Variants in WASF3 observed in about 807,000 individuals in gnomAD.
WASF3 encodes actin-binding protein WASF3.
A neutral mutation model predicts 46.6 loss-of-function variants in WASF3; 11 were observed. The ratio of observed to expected loss-of-function variants is 0.24; its 90% CI spans 0.15 to 0.39. WASF3 has a LOEUF of 0.39. Among genes scored for constraint, WASF3 ranks in the 10% least tolerant of loss-of-function variants. The pLI, the probability that WASF3 is intolerant of heterozygous loss-of-function variation, is 1.00. For synonymous variants in WASF3, 242 were observed against 259.7 expected (o/e 0.93, Z 0.65); for missense variants, 576 against 669.8 (o/e 0.86, Z 1.55).
intron 1 of WASF3, among the ~76,000 whole-genome samples, chr13:26,604,139 G>T (rs1880724178): frequency 6.6e-6 from 1 of 151,998 alleles, no homozygotes; most frequent in Admixed American, 6.5e-5. Context: ...TATTTACTGT[G>T]TGATTTTTTT....
intron 1 of WASF3, among the ~76,000 whole-genome samples, chr13:26,608,020 C>T (rs973499952): frequency 6.6e-5 from 10 of 152,040 alleles, no homozygotes; most frequent in South Asian, 6.2e-4. Context: ...GAGCTCAGTC[C>T]GAAATAATGT....
At chr13:26,653,639 A>G (rs374066436) in intron 3 of WASF3, among the ~76,000 whole-genome samples, 2 of 151,412 alleles carry the variant, frequency 1.3e-5, no homozygotes, top group Admixed American at 1.3e-4. Flanking sequence ...TGTTTTTCCT[A>G]CCTCCCAAGC....
chr13:26,566,647 C>T (rs2137146621), intron 1 of WASF3, among the ~76,000 whole-genome samples: 1 of 152,306 alleles, frequency 6.6e-6, no homozygotes, highest in African/African-American at 2.4e-5. Flanking sequence ...CCTATAGGAA[C>T]TGGGAACCTG....
intron 2 of WASF3, among the ~76,000 whole-genome samples, chr13:26,635,005 C>T (rs1297920418): frequency 1.3e-5 from 2 of 152,122 alleles, no homozygotes; most frequent in Non-Finnish European, 2.9e-5. Flanking sequence ...GTGGTGTTCT[C>T]TGTATTTCCT....
In WASF3 at chr13:26,665,011, TTCATTTTATTCTA is replaced by T. The variant is rs1882729757; in HGVS notation, c.134-16_134-4del. 1 of 1,613,718 alleles carries T rather than the reference TTCATTTTATTCTA, an allele frequency of 6.2e-7. No homozygotes were observed. ...GCTCCCTAACAGATGGCCTTCTCCA[TTCATTTTATTCTA>T]CAGGCAAACATGCTGAAGACATATT... On this transcript the variant is annotated splice_region_variant and splice_polypyrimidine_tract_variant and intron_variant, in intron 3 of 9. Transcript: ENST00000335327.
upstream of WASF3, among the ~76,000 whole-genome samples, chr13:26,555,757 G>A (rs1566032946): frequency 1.3e-5 from 2 of 152,308 alleles, no homozygotes; most frequent in East Asian, 3.9e-4. Flanking sequence ...GAAGCCCTGT[G>A]GCTGTCTCCA....
At chr13:26,670,706 TTAA>T (rs1363493457) in intron 5 of WASF3, among the ~76,000 whole-genome samples, 1 of 152,216 alleles carries the variant, frequency 6.6e-6, no homozygotes, top group Non-Finnish European at 1.5e-5. Context: ...AATAATGTTA[TTAA>T]TAAAATCTCT....
intron 2 of WASF3, among the ~76,000 whole-genome samples, chr13:26,637,027 C>T (rs1300234869): frequency 2.6e-5 from 4 of 152,214 alleles, no homozygotes; most frequent in Non-Finnish European, 5.9e-5. Flanking sequence ...TGTGTCTTAC[C>T]AAGGGCTCCT....
chr13:26,661,040 T>G (rs1018064025), intron 3 of WASF3, among the ~76,000 whole-genome samples: 2 of 152,204 alleles, frequency 1.3e-5, no homozygotes, highest in African/African-American at 4.8e-5. Context: ...AAAAACTCGC[T>G]CACCCAGGGA....
chr13:26,680,287 C>T, intron 7 of WASF3: 1 of 1,418,086 alleles, frequency 7.1e-7, no homozygotes, highest in Non-Finnish European at 9.3e-7. Context: ...CCCTCCTGGC[C>T]ACATGTCCTG....
chr13:26,585,505 G>A (rs1310942323), intron 1 of WASF3, among the ~76,000 whole-genome samples: 1 of 152,152 alleles, frequency 6.6e-6, no homozygotes, highest in African/African-American at 2.4e-5. Flanking sequence ...ATAATTCTGT[G>A]TTACTGCTAG....
intron 1 of WASF3, among the ~76,000 whole-genome samples, chr13:26,612,623 G>T (rs1188900771): frequency 6.6e-6 from 1 of 152,150 alleles, no homozygotes; most frequent in African/African-American, 2.4e-5. Flanking sequence ...CAGTCTGTAG[G>T]CAGTAACAAA....
chr13:26,680,101 AAAG>A, intron 7 of WASF3: 1 of 1,598,216 alleles, frequency 6.3e-7, no homozygotes, highest in Non-Finnish European at 8.5e-7. Context: ...CAGAACAAGA[AAAG>A]AAGAGTGGGA....
chr13:26,596,281 C>G (rs1260851841), intron 1 of WASF3, among the ~76,000 whole-genome samples: 2 of 151,024 alleles, frequency 1.3e-5, no homozygotes, highest in Non-Finnish European at 1.5e-5. Flanking sequence ...TGTATATCCT[C>G]TTTGGTGAAA....
intron 6 of WASF3, among the ~76,000 whole-genome samples, chr13:26,672,262 G>A (rs959400783): frequency 9.2e-5 from 14 of 152,118 alleles, no homozygotes; most frequent in Admixed American, 3.3e-4. Context: ...CCTCTCCTGC[G>A]TTCTCAAATT....
chr13:26,608,381 A>T (rs1038027543), intron 1 of WASF3, among the ~76,000 whole-genome samples: 1 of 152,202 alleles, frequency 6.6e-6, no homozygotes, highest in African/African-American at 2.4e-5. Context: ...TATAATTAAT[A>T]CAGTTTTATT....
the WASF3 span, among the ~76,000 whole-genome samples, chr13:26,544,887 C>G: frequency 6.6e-6 from 1 of 152,346 alleles, no homozygotes; most frequent in African/African-American, 2.4e-5. Context: ...TCTGACTGTT[C>G]CCTTTCTCAA....
intron 2 of WASF3, among the ~76,000 whole-genome samples, chr13:26,636,563 G>A (rs1388571498): frequency 6.6e-6 from 1 of 152,248 alleles, no homozygotes; most frequent in Non-Finnish European, 1.5e-5. Context: ...ACCTCAGTTG[G>A]AAATGCAGAA....
At chr13:26,613,568 G>A (rs1377859514) in intron 2 of WASF3, among the ~76,000 whole-genome samples, 3 of 152,108 alleles carry the variant, frequency 2.0e-5, no homozygotes, top group Admixed American at 6.5e-5. Context: ...AGGAGATCGC[G>A]ACCATCCTGG....
Sources: allele counts gnomAD v4.1 joint callset (sites outside exome capture counted in the v4.1 genomes callset), GRCh38; gene constraint gnomAD v4.1.1; transcripts MANE v1.5; gene names NCBI Gene and HGNC (gene_info 2026-07-23, HGNC 2026-07-21).